TRPC5: variants seen among roughly 807,000 people sequenced by gnomAD.
TRPC5 encodes the protein short transient receptor potential channel 5.
In TRPC5, 9 loss-of-function variants were observed where a neutral mutation model predicts 56.5. The ratio of observed to expected loss-of-function variants is 0.16; its 90% CI spans 0.10 to 0.28. TRPC5 has a LOEUF of 0.28. TRPC5 is among the 10% of genes least tolerant of loss of function. TRPC5 has a pLI of 1.00. For missense variants in TRPC5, 469 were observed against 748.9 expected, an observed-to-expected ratio of 0.63 and a Z score of 4.36; for synonymous variants, 282 against 278.5, an observed-to-expected ratio of 1.01 and a Z score of -0.13.
intron 3 of TRPC5, among the ~76,000 whole-genome samples, chrX:111,880,675 A>G (rs76386310): frequency 8.9e-6 from 1 of 112,445 alleles, no homozygotes; most frequent in Non-Finnish European, 1.9e-5. Flanking sequence ...CTAATGTGCA[A>G]TGAATCAAAT....
chrX:111,826,328 C>T (rs1442845518), intron 7 of TRPC5, among the ~76,000 whole-genome samples: 1 of 112,271 alleles, frequency 8.9e-6, no homozygotes, highest in East Asian at 2.8e-4. Flanking sequence ...ACAGAATCTA[C>T]CAGAAAATGT....
chrX:111,984,616 C>T (rs1329272168), intron 1 of TRPC5, among the ~76,000 whole-genome samples: 2 of 111,756 alleles, frequency 1.8e-5, no homozygotes, highest in African/African-American at 6.5e-5. Context: ...AAATGTCTTA[C>T]CAATAAGCCT....
chrX:111,905,758 CAA>C (rs775283211), intron 3 of TRPC5, among the ~76,000 whole-genome samples: 1 of 108,613 alleles, frequency 9.2e-6, no homozygotes, highest in Non-Finnish European at 1.9e-5. Flanking sequence ...ACTAAAAATA[CAA>C]AAAAATTAGC....
rs1011645630 is a variant in TRPC5, at chrX:111,772,473, G to A, written c.*3840C>T. 9.0e-6 allele frequency among the ~76,000 whole-genome samples: 1 copy of A among 111,343 alleles called. No individual in the cohort carries two copies. Among genetic ancestry groups the A allele is most frequent in the African/African-American group, 3.3e-5 (1 of 30,638 alleles). ...ATTTTTGAGACAGTCTCGCTCTGCCGCCCAGGCTTGAGTGCAGTGGTGTGA... is the reference window on the plus strand; with the variant it reads ...ATTTTTGAGACAGTCTCGCTCTGCCACCCAGGCTTGAGTGCAGTGGTGTGA... On this transcript the variant is annotated 3_prime_UTR_variant, in exon 11 of 11. Coordinates refer to ENST00000262839, the MANE Select transcript of TRPC5 (RefSeq NM_012471.3).
At chrX:111,914,022 C>G (rs1465695671) in intron 2 of TRPC5, among the ~76,000 whole-genome samples, 4 of 107,672 alleles carry the variant, frequency 3.7e-5, no homozygotes, top group Non-Finnish European at 7.6e-5. Flanking sequence ...AGTAGGGAAA[C>G]TGAGGCAGCT....
At chrX:111,964,255 G>A (rs751183341) in intron 1 of TRPC5, among the ~76,000 whole-genome samples, 68 of 111,820 alleles carry the variant, frequency 6.1e-4, no homozygotes, top group South Asian at 1.1e-3. Flanking sequence ...GAAATGAAGC[G>A]AGAAGGGAAG....
At chrX:112,025,136 T>C (rs1029379130) in intron 1 of TRPC5, among the ~76,000 whole-genome samples, 2 of 111,996 alleles carry the variant, frequency 1.8e-5, no homozygotes, top group African/African-American at 6.5e-5. Flanking sequence ...ATGGTCTTTG[T>C]GGTCATGACA....
chrX:112,067,515 T>A (rs1159684007), intron 1 of TRPC5, among the ~76,000 whole-genome samples: 2 of 112,233 alleles, frequency 1.8e-5, no homozygotes, highest in Admixed American at 1.9e-4. Context: ...TCCAGAGTCT[T>A]GTCACTGAGA....
At chrX:112,004,728 C>T (rs2148660788) in intron 1 of TRPC5, among the ~76,000 whole-genome samples, 1 of 111,420 alleles carries the variant, frequency 9.0e-6, no homozygotes, top group African/African-American at 3.3e-5. Context: ...TATTCTAAGT[C>T]AGGGAAACAG....
At chrX:112,039,354 C>T (rs1929835484) in intron 1 of TRPC5, among the ~76,000 whole-genome samples, 1 of 111,990 alleles carries the variant, frequency 8.9e-6, no homozygotes. Context: ...TAGGAACACT[C>T]TGTACCTAAT....
chrX:111,870,767 C>T (rs1923730046), intron 3 of TRPC5, among the ~76,000 whole-genome samples: 2 of 111,468 alleles, frequency 1.8e-5, no homozygotes, highest in Non-Finnish European at 1.9e-5. Context: ...AATTTTGGAC[C>T]TGTAATTGTC....
At chrX:111,881,713 A>C (rs2148599884) in intron 3 of TRPC5, among the ~76,000 whole-genome samples, 1 of 109,139 alleles carries the variant, frequency 9.2e-6, no homozygotes, top group African/African-American at 3.4e-5. Context: ...AGTGTGGTTA[A>C]GGTAAGTAAA....
At chrX:112,029,930 C>T (rs1164935627) in intron 1 of TRPC5, among the ~76,000 whole-genome samples, 2 of 109,908 alleles carry the variant, frequency 1.8e-5, no homozygotes, top group Non-Finnish European at 3.8e-5. Flanking sequence ...CGGGTTCAAG[C>T]GAGTCTCCTG....
intron 3 of TRPC5, among the ~76,000 whole-genome samples, chrX:111,884,843 G>A (rs1296090708): frequency 8.9e-6 from 1 of 112,817 alleles, no homozygotes; most frequent in East Asian, 2.8e-4. Context: ...GAGACATAGA[G>A]TTTAGTTAAG....
At chrX:111,971,883 G>C (rs17004016) in intron 1 of TRPC5, among the ~76,000 whole-genome samples, 10,845 of 111,090 alleles carry the variant, frequency 0.098, 955 homozygotes, top group African/African-American at 0.28. Flanking sequence ...ATTTAATCTA[G>C]TTCTTCGATA....
chrX:111,777,302 A>G (rs1945886460), intron 10 of TRPC5, among the ~76,000 whole-genome samples: 1 of 111,560 alleles, frequency 9.0e-6, no homozygotes, highest in South Asian at 3.8e-4. Context: ...GTATTAACTA[A>G]CAAGTTATTA....
At chrX:111,962,815 G>A (rs894895672) in intron 1 of TRPC5, among the ~76,000 whole-genome samples, 2 of 112,050 alleles carry the variant, frequency 1.8e-5, no homozygotes, top group African/African-American at 6.5e-5. Context: ...AAACTTAATT[G>A]TTGTCTTATT....
chrX:111,972,578 G>A (rs925373892), intron 1 of TRPC5, among the ~76,000 whole-genome samples: 4 of 112,377 alleles, frequency 3.6e-5, no homozygotes, highest in Admixed American at 9.4e-5. Flanking sequence ...TTTGCACTGC[G>A]TGCTTGGTGC....
chrX:111,990,132 T>C (rs964260172), intron 1 of TRPC5, among the ~76,000 whole-genome samples: 1 of 112,514 alleles, frequency 8.9e-6, no homozygotes, highest in Non-Finnish European at 1.9e-5. Context: ...TTCTGTGGCT[T>C]TGCAGCCGGG....
Sources: gnomAD v4.1 joint callset for allele counts (sites outside exome capture counted in the v4.1 genomes callset) on GRCh38, gnomAD v4.1.1 for gene constraint, MANE v1.5 for transcripts, NCBI Gene and HGNC (gene_info 2026-07-23, HGNC 2026-07-21) for gene names.